The following CELSR1 variants were observed in gnomAD, a reference collection of about 807,000 sequenced individuals.
The protein encoded by CELSR1 is adhesion G protein-coupled receptor C1.
CELSR1 carries 110 observed loss-of-function variants against 249.1 expected under a neutral mutation model. The ratio of observed to expected loss-of-function variants is 0.44; its 90% CI spans 0.38 to 0.52. The LOEUF is 0.52. CELSR1 is among the 20% of genes least tolerant of loss of function. The probability of loss-of-function intolerance (pLI) is 0.00; values close to 1 mark genes in which losing one functional copy is unlikely to be tolerated. For missense variants in CELSR1, 4,109 were observed against 4,296.4 expected (o/e 0.96, Z 1.22); for synonymous variants, 2,113 against 1,900.0 (o/e 1.11, Z -2.92).
intron 2 of CELSR1, chr22:46,462,645 CAAAA>C (rs10541493): frequency 0.42 from 69,600 of 164,616 alleles, 12,748 homozygotes; most frequent in East Asian, 0.52. Context: ...AGAGAGCTTT[CAAAA>C]AAAAAAAAAA....
chr22:46,514,871 C>G (rs922858898), intron 1 of CELSR1, among the ~76,000 whole-genome samples: 6 of 152,162 alleles, frequency 3.9e-5, no homozygotes, highest in African/African-American at 9.7e-5. Flanking sequence ...TGTCCGTACC[C>G]GCCGTCAATC....
chr22:46,471,651 C>G lies in CELSR1; in HGVS notation c.3545-7306G>C, dbSNP rs6008854. ...CCTCAAGCGATCCTCCCACCTCAGC[C>G]TCCCAAAGTGCTGGGATTCACGGGT... On this transcript the variant is annotated intron_variant, in intron 1 of 34. Coordinates refer to ENST00000674500, the MANE Select transcript of CELSR1 (RefSeq NM_001378328.1). The surrounding 1 kb of genome is among the most constrained non-coding windows in gnomAD (Gnocchi z 4.9). Among the ~76,000 whole-genome samples the G allele has an allele frequency of 0.047, 7,113 of 152,296 alleles. 390 individuals are homozygous for G. Among genetic ancestry groups the G allele is most frequent in the African/African-American group, 0.13 (5,505 of 41,542 alleles).
rs1427162096 is a variant in CELSR1 at position 46,445,101 on chromosome 22, C to T, written c.4184-5690G>A. Among the ~76,000 whole-genome samples the T allele has an allele frequency of 6.6e-6, 1 of 152,160 alleles. No individual in the cohort carries two copies. Among genetic ancestry groups the T allele is most frequent in the Non-Finnish European group, 1.5e-5 (1 of 68,026 alleles). ...ATCCCAGCTACTTGGGAGGCTGAGGCAGGAGAATCCTTTGAACCCAGGAGG... is the reference window on the plus strand; with the variant it reads ...ATCCCAGCTACTTGGGAGGCTGAGGTAGGAGAATCCTTTGAACCCAGGAGG... On this transcript the variant is annotated intron_variant, in intron 2 of 34. Transcript: ENST00000674500. The surrounding 1 kb of genome is among the most constrained non-coding windows in gnomAD (Gnocchi z 4.4).
chr22:46,403,199 T>C lies in CELSR1; in HGVS notation c.5227-3297A>G, dbSNP rs143898483. ...GTAATAGATAAATCTACAGTCAAGG[T>C]AGATTTGTAACTAACTTCTCTCAGT... On this transcript the variant is annotated intron_variant, in intron 9 of 34. Coordinates refer to ENST00000674500, the MANE Select transcript of CELSR1 (RefSeq NM_001378328.1). Among the ~76,000 whole-genome samples, 1,070 of 152,192 alleles carry C rather than the reference T, an allele frequency of 7.0e-3. 10 individuals are homozygous for C. Among genetic ancestry groups the C allele is most frequent in the African/African-American group, 0.025 (1,039 of 41,516 alleles).
chr22:46,433,584 G>A lies in CELSR1; in HGVS notation c.4523-103C>T. ...GCATCAGGGGGAGACAGGTGCACAT[G>A]GCCACGTCCTCCCTCCCCTCCCCAC... On this transcript the variant is annotated intron_variant, in intron 4 of 34. Coordinates refer to ENST00000674500, the MANE Select transcript of CELSR1 (RefSeq NM_001378328.1). This position sits in a 1 kb window ranked among gnomAD's most constrained non-coding sequence, Gnocchi z 5.7. 1.3e-6 allele frequency: 1 copy of A among 791,218 alleles called. No individual in the cohort carries two copies. The highest frequency in any genetic ancestry group is 1.6e-5 in the South Asian group (1 of 61,776). 49.0% of individuals were successfully genotyped at this position (791,218 alleles called of 1,614,324 possible).
In CELSR1 at chr22:46,366,937, C is replaced by T. The variant is rs138446249; in HGVS notation, c.8205+56G>A. The T allele has an allele frequency of 6.1e-4, 947 of 1,561,366 alleles. 11 individuals carry two copies. In the East Asian group the frequency reaches 0.019, roughly 32 times the overall value. On this transcript the variant is annotated intron_variant, in intron 29 of 34. Transcript: ENST00000674500. ...GGGCTGAGGCTCGATCACCCTCCCCCGCCCCTCGAGATGCCGCCCAGCCCC... is the reference window on the plus strand; with the variant it reads ...GGGCTGAGGCTCGATCACCCTCCCCTGCCCCTCGAGATGCCGCCCAGCCCC...
rs541734553 is a variant in CELSR1, at chr22:46,363,589, G to A, written c.9036-342C>T. On this transcript the variant is annotated intron_variant, in intron 34 of 34. Transcript: ENST00000674500. The surrounding 1 kb of genome is among the most constrained non-coding windows in gnomAD (Gnocchi z 4.3). The stretch of plus-strand genomic sequence containing the variant: ...GAGGGAGGGAGGGGCGACAGGGAGA[G>A]GTCTGGGGCCAGGACCCCAGCTCCA... The A allele has an allele frequency of 1.6e-5, 6 of 365,322 alleles. No individual in the cohort carries two copies. The highest frequency in any genetic ancestry group is 1.6e-4 in the East Asian group (3 of 18,618). The allele number at this position is 365,322 out of a possible 1,614,324, so 22.6% of individuals were successfully genotyped here.
Position 46,369,221 on chromosome 22 carries a change from GA to G in CELSR1, c.7909del (p.Ser2637ProfsTer18). ...ATAATAATGGTGCTTTCTTTGGCAG[GA>G]AACCTTTGCAGATAGGACAGAAGTG... ...TVTSVLSAKV[S>X]CQRKHHYYGK... On this transcript the variant is annotated frameshift_variant, in exon 27 of 35. Coordinates refer to ENST00000674500, the MANE Select transcript of CELSR1 (RefSeq NM_001378328.1). LOFTEE classifies it high-confidence loss of function. 1.2e-6 allele frequency: 2 copies of G among 1,614,092 alleles called. No homozygotes were observed. The highest frequency in any genetic ancestry group is 1.7e-6 in the Non-Finnish European group (2 of 1,179,996).
chr22:46,394,020 T>G (rs2079122284), intron 14 of CELSR1, 122 bp downstream of exon 14: 1 of 1,234,444 alleles, frequency 8.1e-7, no homozygotes, highest in Non-Finnish European at 1.1e-6. Context: ...TGGGCACAGG[T>G]GTGTGTGCAG....
At chr22:46,502,997 T>G (rs929336313) in intron 1 of CELSR1, among the ~76,000 whole-genome samples, 1 of 152,002 alleles carries the variant, frequency 6.6e-6, no homozygotes, top group Non-Finnish European at 1.5e-5. Context: ...AAGGCTCGAG[T>G]TGGAAGTGCC....
rs1254886862 is a variant in CELSR1 at position 46,363,203 on chromosome 22, G to A, written c.*20C>T. On this transcript the variant is annotated 3_prime_UTR_variant, in exon 35 of 35. Transcript: ENST00000674500. This position sits in a 1 kb window ranked among gnomAD's most constrained non-coding sequence, Gnocchi z 4.3. ...TCACGGTTTCCTGATGGTTCAAATTGAAGTTTCATTACTGATGGTTCAAAT... is the reference window on the plus strand; with the variant it reads ...TCACGGTTTCCTGATGGTTCAAATTAAAGTTTCATTACTGATGGTTCAAAT... 6.3e-7 allele frequency: 1 copy of A among 1,579,062 alleles called. No individual in the cohort carries two copies. The highest frequency in any genetic ancestry group is 1.1e-5 in the South Asian group (1 of 90,976).
At chr22:46,368,280 G>A (rs1412568278) in intron 27 of CELSR1, among the ~76,000 whole-genome samples, 1 of 152,078 alleles carries the variant, frequency 6.6e-6, no homozygotes, top group Non-Finnish European at 1.5e-5. Context: ...TGTGTACAAG[G>A]GGAAGACAAA....
In CELSR1 at chr22:46,386,588, G is replaced by A; in HGVS notation, c.6556-3C>T. 1 of 1,586,068 alleles carries A rather than the reference G, an allele frequency of 6.3e-7. No individual in the cohort carries two copies. The highest frequency in any genetic ancestry group is 8.5e-7 in the Non-Finnish European group (1 of 1,172,442). On this transcript the variant is annotated splice_polypyrimidine_tract_variant and splice_region_variant and intron_variant, in intron 18 of 34. Coordinates refer to ENST00000674500, the MANE Select transcript of CELSR1 (RefSeq NM_001378328.1). ...GCGCTGCCCGAGTGGATGACGTCCT[G>A]GTCAGACAGACAGCACTCAGTACTC...
chr22:46,411,778 C>T lies in CELSR1; in HGVS notation c.4612-19G>A, dbSNP rs1450798164. The T allele has an allele frequency of 4.3e-6, 7 of 1,613,274 alleles. No individual in the cohort carries two copies. In the African/African-American group the frequency reaches 9.3e-5, roughly 22 times the overall value. ...TATTGGGCTGTAAGAAGAGAAAGCA[C>T]AGAAGGTGTCAGCGTTTTCTCCACC... On this transcript the variant is annotated intron_variant, in intron 5 of 34. Coordinates refer to ENST00000674500, the MANE Select transcript of CELSR1 (RefSeq NM_001378328.1). This position sits in a 1 kb window ranked among gnomAD's most constrained non-coding sequence, Gnocchi z 4.2.
At chr22:46,460,986 G>A (rs2080019719) in intron 2 of CELSR1, among the ~76,000 whole-genome samples, 1 of 152,204 alleles carries the variant, frequency 6.6e-6, no homozygotes, top group Non-Finnish European at 1.5e-5. Flanking sequence ...CAAGAAGCCA[G>A]GGGCTTTCAG....
intron 5 of CELSR1, among the ~76,000 whole-genome samples, chr22:46,421,294 G>A (rs11704658): frequency 0.17 from 25,994 of 152,094 alleles, 2,399 homozygotes; most frequent in Non-Finnish European, 0.21. Context: ...CAGCAGTGAG[G>A]GGTTGGGTGG....
In CELSR1 at chr22:46,526,921, G is replaced by A. The variant is rs919362825; in HGVS notation, c.3544+6706C>T. Reference sequence around the variant, plus strand: ...GGCCTCACGTCTTCTCACCAAAGCCGATTCCCGGTAAGGACTCTGGCTCAG... The same window carrying A: ...GGCCTCACGTCTTCTCACCAAAGCCAATTCCCGGTAAGGACTCTGGCTCAG... On this transcript the variant is annotated intron_variant, in intron 1 of 34. Transcript: ENST00000674500. The surrounding 1 kb of genome is among the most constrained non-coding windows in gnomAD (Gnocchi z 4.7). Among the ~76,000 whole-genome samples the A allele has an allele frequency of 2.0e-5, 3 of 152,160 alleles. No homozygotes were observed. Among genetic ancestry groups the A allele is most frequent in the African/African-American group, 4.8e-5 (2 of 41,436 alleles).
chr22:46,383,712 G>A (rs2079003232), intron 20 of CELSR1, among the ~76,000 whole-genome samples: 1 of 152,070 alleles, frequency 6.6e-6, no homozygotes, highest in Non-Finnish European at 1.5e-5. Flanking sequence ...AACTTCTTTA[G>A]TAGAGATGGA....
At chr22:46,365,403 G>T (rs1372546452) in intron 31 of CELSR1, 23 bp from the exon 32 acceptor site, 2 of 1,610,976 alleles carry the variant, frequency 1.2e-6, no homozygotes, top group Non-Finnish European at 1.7e-6. Flanking sequence ...GGGGGACAGG[G>T]AGGCTCAGGC....
Sources: gnomAD v4.1 joint callset for allele counts (sites outside exome capture counted in the v4.1 genomes callset) on GRCh38, gnomAD v4.1.1 for gene constraint, Gnocchi (gnomAD v3.1) non-coding constraint, MANE v1.5 for transcripts, NCBI Gene and HGNC (gene_info 2026-07-23, HGNC 2026-07-21) for gene names.